HMCN1: variants seen among roughly 807,000 people sequenced by gnomAD.
The protein encoded by HMCN1 is hemicentin-1.
Under a neutral mutation model 625.9 loss-of-function variants are expected in HMCN1, and 321 were observed. That is an observed-to-expected ratio of 0.51 (90% CI 0.47 to 0.56). HMCN1 has a LOEUF of 0.56. HMCN1 is among the 20% of genes least tolerant of loss of function. HMCN1 has a pLI of 0.00. For synonymous variants in HMCN1, 2,425 were observed against 2,417.6 expected, an observed-to-expected ratio of 1.00 and a Z score of -0.09; for missense variants, 6,588 against 6,887.3, an observed-to-expected ratio of 0.96 and a Z score of 1.54.
intron 69 of HMCN1, among the ~76,000 whole-genome samples, chr1:186,106,524 T>TA (rs1660617502): frequency 6.6e-6 from 1 of 152,232 alleles, no homozygotes; most frequent in African/African-American, 2.4e-5. Context: ...GGCTTCGTTT[T>TA]AACTTTTCAG....
At chr1:186,020,838 G>A (rs1654672794) in intron 35 of HMCN1, among the ~76,000 whole-genome samples, 1 of 152,098 alleles carries the variant, frequency 6.6e-6, no homozygotes, top group Non-Finnish European at 1.5e-5. Context: ...CAGCCAGTGG[G>A]CTGAGGAAGA....
At chr1:186,054,771 A>G (rs548679739) in intron 44 of HMCN1, among the ~76,000 whole-genome samples, 3 of 151,998 alleles carry the variant, frequency 2.0e-5, no homozygotes, top group African/African-American at 4.8e-5. Flanking sequence ...TCCCTCCTTC[A>G]TGGTCTCAAG....
At chr1:186,119,449 CT>C in intron 78 of HMCN1, 151 bp downstream of exon 78, 3 of 730,498 alleles carry the variant, frequency 4.1e-6, no homozygotes, top group Non-Finnish European at 7.2e-6. Context: ...TTTTAATAGG[CT>C]AAAAAAGGCA....
At chr1:185,871,819 T>C (rs1304351601) in intron 4 of HMCN1, among the ~76,000 whole-genome samples, 2 of 152,214 alleles carry the variant, frequency 1.3e-5, no homozygotes, top group African/African-American at 2.4e-5. Context: ...CTAATGGCCA[T>C]TTAGGACTAG....
chr1:185,743,810 A>G (rs1654160605), intron 1 of HMCN1, among the ~76,000 whole-genome samples: 1 of 152,182 alleles, frequency 6.6e-6, no homozygotes, highest in Non-Finnish European at 1.5e-5. Flanking sequence ...ATTATATGTG[A>G]AAGTCCTTTA....
chr1:186,038,046 T>C lies in HMCN1; in HGVS notation c.5851+11T>C. 2 of 1,509,610 alleles carry C rather than the reference T, an allele frequency of 1.3e-6. No homozygotes were observed. Among genetic ancestry groups the C allele is most frequent in the South Asian group, 2.3e-5 (2 of 88,844 alleles). The allele number at this position is 1,509,610 out of a possible 1,614,324, so 93.5% of individuals were successfully genotyped here. ...GAAATCCTGTGCCTGGTACATTTAC[T>C]TTTGAACTCTGTAACTTAATATTTT... On this transcript the variant is annotated intron_variant, in intron 37 of 106. Coordinates refer to ENST00000271588, the MANE Select transcript of HMCN1 (RefSeq NM_031935.3).
At chr1:186,161,195 G>A (rs1651449263) in intron 97 of HMCN1, among the ~76,000 whole-genome samples, 1 of 149,496 alleles carries the variant, frequency 6.7e-6, no homozygotes, top group African/African-American at 2.5e-5. Context: ...TGTCTCTTTT[G>A]ATCTTTGTTG....
intron 68 of HMCN1, among the ~76,000 whole-genome samples, chr1:186,097,533 A>C (rs1440971394): frequency 6.6e-6 from 1 of 152,122 alleles, no homozygotes; most frequent in African/African-American, 2.4e-5. Flanking sequence ...GAATAAATTT[A>C]AACATCAGTG....
chr1:185,778,540 C>T (rs1182150279), intron 1 of HMCN1, among the ~76,000 whole-genome samples: 5 of 138,394 alleles, frequency 3.6e-5, no homozygotes, highest in Non-Finnish European at 7.7e-5. Context: ...GTTCCCCTTT[C>T]TGTGTCCAAG....
chr1:185,861,894 A>G (rs1449408511), intron 2 of HMCN1, among the ~76,000 whole-genome samples: 1 of 152,202 alleles, frequency 6.6e-6, no homozygotes, highest in Non-Finnish European at 1.5e-5. Context: ...GCACTGTGCT[A>G]TGAACTGAGG....
chr1:185,737,991 C>G (rs1330807759), intron 1 of HMCN1, among the ~76,000 whole-genome samples: 1 of 152,114 alleles, frequency 6.6e-6, no homozygotes, highest in Non-Finnish European at 1.5e-5. Flanking sequence ...CTGTGTTGAA[C>G]TAGCAGCACA....
At chr1:185,921,298 G>C (rs74134213) in intron 6 of HMCN1, among the ~76,000 whole-genome samples, 2 of 152,078 alleles carry the variant, frequency 1.3e-5, no homozygotes, top group East Asian at 3.9e-4. Context: ...TTGAGTTCTT[G>C]AGATTCTGCT....
At position 186,093,179 on chromosome 1, in the gene HMCN1, A is replaced by G; in HGVS notation, c.9933A>G (p.Thr3311=). The G allele has an allele frequency of 6.2e-7, 1 of 1,613,424 alleles. No homozygotes were observed. Among genetic ancestry groups the G allele is most frequent in the Non-Finnish European group, 8.5e-7 (1 of 1,179,578 alleles). ...CATTAAACATTTATGGAGCTCTTAC[A>G]TCTGACACGGGGAAATACACATGTG... ...GSTLNIYGAL[T]SDTGKYTCVA... is the part of the protein sequence containing the mutation. Residue 3311 remains threonine (T), a synonymous_variant, in exon 65 of 107, where the codon ACA becomes ACG. Coordinates refer to ENST00000271588, the MANE Select transcript of HMCN1 (RefSeq NM_031935.3).
rs1427635901 is a variant in HMCN1, at chr1:185,997,690, G to GTATT, written c.3874+168_3874+171dup. 3.9e-5 allele frequency among the ~76,000 whole-genome samples: 6 copies of GTATT among 152,186 alleles called. No homozygotes were observed. In the East Asian group the frequency reaches 9.6e-4, roughly 24 times the overall value. On this transcript the variant is annotated intron_variant, in intron 25 of 106. Transcript: ENST00000271588. The stretch of plus-strand genomic sequence containing the variant: ...TTTCAGATAACAGCTCTTTGAATAA[G>GTATT]TATTTTTTTTCCTTGCAGGTATTTT...
At chr1:185,867,040 C>T (rs1396439832) in intron 4 of HMCN1, among the ~76,000 whole-genome samples, 1 of 152,014 alleles carries the variant, frequency 6.6e-6, no homozygotes, top group Non-Finnish European at 1.5e-5. Flanking sequence ...CAGTAGTTCT[C>T]TTATAGCTAA....
chr1:185,891,786 G>T (rs1223672310), intron 4 of HMCN1, among the ~76,000 whole-genome samples: 2 of 147,776 alleles, frequency 1.4e-5, no homozygotes, highest in African/African-American at 5.4e-5. Flanking sequence ...ACAATTATGT[G>T]TCTTGGAGTT....
Position 186,190,042 on chromosome 1 carries a change from G to A in HMCN1, c.*164G>A. 1 of 778,428 alleles carries A rather than the reference G, an allele frequency of 1.3e-6. No homozygotes were observed. Among genetic ancestry groups the A allele is most frequent in the Non-Finnish European group, 2.2e-6 (1 of 456,478 alleles). 48.2% of individuals were successfully genotyped at this position (778,428 alleles called of 1,614,324 possible). On this transcript the variant is annotated 3_prime_UTR_variant, in exon 107 of 107. Transcript: ENST00000271588. ...CTTGGTACTTCTGAGGTATTTTCAT[G>A]ATCCCACCATGGTCATATCTTGAAG...
At chr1:186,140,545 T>G (rs552999888) in intron 89 of HMCN1, among the ~76,000 whole-genome samples, 1 of 152,324 alleles carries the variant, frequency 6.6e-6, no homozygotes, top group South Asian at 2.1e-4. Context: ...CTTCACTTGT[T>G]TAAGGTAGTG....
At chr1:186,112,425 G>C (rs1315883182) in intron 71 of HMCN1, among the ~76,000 whole-genome samples, 1 of 152,226 alleles carries the variant, frequency 6.6e-6, no homozygotes, top group Non-Finnish European at 1.5e-5. Context: ...ATTCAGGACA[G>C]CCTGTTTCCA....
Sources: allele counts gnomAD v4.1 joint callset (sites outside exome capture counted in the v4.1 genomes callset), GRCh38; gene constraint gnomAD v4.1.1; transcripts MANE v1.5; gene names NCBI Gene and HGNC (gene_info 2026-07-23, HGNC 2026-07-21).